The following NYAP2 variants were observed in gnomAD, a reference collection of about 807,000 sequenced individuals.
NYAP2 encodes the protein neuronal tyrosine-phosphorylated phosphoinositide-3-kinase adapter 2.
In NYAP2, 23 loss-of-function variants were observed where a neutral mutation model predicts 50.4. The ratio of observed to expected loss-of-function variants is 0.46; its 90% confidence interval spans 0.33 to 0.65. NYAP2 has a LOEUF of 0.65. Ranked by LOEUF, NYAP2 falls within the 30% of genes least tolerant of loss-of-function variation. The probability of loss-of-function intolerance (pLI) is 0.02; values close to 1 mark genes in which losing one functional copy is unlikely to be tolerated. For synonymous variants in NYAP2, 394 were observed against 365.2 expected (o/e 1.08, Z -0.90); for missense variants, 885 against 861.0 (o/e 1.03, Z -0.35).
chr2:225,660,783 A>C, the NYAP2 span, among the ~76,000 whole-genome samples: 1 of 152,218 alleles, frequency 6.6e-6, no homozygotes. Context: ...CTATGACAAA[A>C]TCTGCTGATG....
At chr2:225,487,030 T>A (rs1173562835) in intron 3 of NYAP2, among the ~76,000 whole-genome samples, 1 of 152,238 alleles carries the variant, frequency 6.6e-6, no homozygotes, top group Admixed American at 6.5e-5. Context: ...TGTCTGGTAA[T>A]CAAGGCCAGC....
chr2:225,437,296 C>G (rs1223103875), intron 3 of NYAP2, among the ~76,000 whole-genome samples: 1 of 152,086 alleles, frequency 6.6e-6, no homozygotes, highest in Non-Finnish European at 1.5e-5. Flanking sequence ...CAGTATATGA[C>G]AGTTGTGAAG....
intron 4 of NYAP2, among the ~76,000 whole-genome samples, chr2:225,580,911 C>T (rs1419706931): frequency 2.0e-5 from 3 of 152,204 alleles, no homozygotes; most frequent in African/African-American, 7.2e-5. Context: ...CAACCACATT[C>T]TGCTACATTG....
In NYAP2 at chr2:225,546,310, C is replaced by G. The variant is rs565835084; in HGVS notation, c.523+32638C>G. Among the ~76,000 whole-genome samples, 8 of 152,290 alleles carry G rather than the reference C, an allele frequency of 5.3e-5. No individual in the cohort carries two copies. The South Asian group carries it at 1.7e-3, about 32-fold the overall frequency. On this transcript the variant is annotated intron_variant, in intron 4 of 6. Coordinates refer to ENST00000636099, the Ensembl canonical transcript of NYAP2. The stretch of plus-strand genomic sequence containing the variant: ...GGGCCCCATGTGAATCAAGAGATGC[C>G]ACACGGGAGCCAAAAACTGGAGTCA...
chr2:225,464,623 G>A (rs1370489394), intron 3 of NYAP2, among the ~76,000 whole-genome samples: 1 of 152,132 alleles, frequency 6.6e-6, no homozygotes, highest in African/African-American at 2.4e-5. Flanking sequence ...CAGAACTTTT[G>A]GATTAAGGAG....
the NYAP2 span, among the ~76,000 whole-genome samples, chr2:225,678,456 C>T: frequency 6.6e-6 from 1 of 151,814 alleles, no homozygotes; most frequent in Non-Finnish European, 1.5e-5. Flanking sequence ...TTAATTCTGC[C>T]AGCTGTGTGG....
chr2:225,693,680 A>T, the NYAP2 span, among the ~76,000 whole-genome samples: 1 of 151,930 alleles, frequency 6.6e-6, no homozygotes, highest in Non-Finnish European at 1.5e-5. Flanking sequence ...GGGGTGGAAG[A>T]GCTCTCTTGG....
At chr2:225,484,236 A>T (rs1364395284) in intron 3 of NYAP2, among the ~76,000 whole-genome samples, 1 of 152,230 alleles carries the variant, frequency 6.6e-6, no homozygotes, top group Non-Finnish European at 1.5e-5. Context: ...TAGTTCTACA[A>T]GCAGGCCATA....
At chr2:225,417,213 G>A (rs1325133412) in intron 3 of NYAP2, among the ~76,000 whole-genome samples, 1 of 152,138 alleles carries the variant, frequency 6.6e-6, no homozygotes, top group Non-Finnish European at 1.5e-5. Context: ...TAGAGAATGT[G>A]TGTAATGTAA....
At chr2:225,619,010 T>A (rs1432043444) in intron 5 of NYAP2, among the ~76,000 whole-genome samples, 1 of 152,236 alleles carries the variant, frequency 6.6e-6, no homozygotes, top group East Asian at 1.9e-4. Flanking sequence ...GTGCTAGGGA[T>A]GACATAGATT....
At position 225,582,451 on chromosome 2, in the gene NYAP2, A is replaced by G. The variant is rs766834686; in HGVS notation, c.1034A>G (p.His345Arg). ...CTGGTATTTCCCCCCGCCCCCGTGCATTGCTCCCCCAACTCCGACGAGTCC... is the reference window on the plus strand; with the variant it reads ...CTGGTATTTCCCCCCGCCCCCGTGCGTTGCTCCCCCAACTCCGACGAGTCC... Residue 345 changes from histidine (H) to arginine (R), a missense_variant, in exon 5 of 7, where the codon CAT becomes CGT. By Grantham distance (29) the His-to-Arg change is conservative (BLOSUM62 0). Transcript: ENST00000636099. This position sits in a 1 kb window ranked among gnomAD's most constrained non-coding sequence, Gnocchi z 7.0. The G allele has an allele frequency of 1.5e-6, 1 of 666,512 alleles. No individual in the cohort carries two copies. Among genetic ancestry groups the G allele is most frequent in the Non-Finnish European group, 2.1e-6 (1 of 469,118 alleles). The allele number at this position is 666,512 out of a possible 1,614,324, so 41.3% of individuals were successfully genotyped here.
chr2:225,552,030 C>T (rs947552118), intron 4 of NYAP2, among the ~76,000 whole-genome samples: 3 of 152,148 alleles, frequency 2.0e-5, no homozygotes, highest in Non-Finnish European at 4.4e-5. Flanking sequence ...CCAGGTTGGT[C>T]TCGAACTCTT....
intron 3 of NYAP2, among the ~76,000 whole-genome samples, chr2:225,460,992 CAAAA>C (rs869283101): frequency 2.3e-5 from 1 of 43,054 alleles, no homozygotes. Flanking sequence ...GACTCTGTCT[CAAAA>C]AAAAAAAAAA....
chr2:225,429,754 A>G (rs1026311508), intron 3 of NYAP2, among the ~76,000 whole-genome samples: 10 of 152,256 alleles, frequency 6.6e-5, no homozygotes, highest in Middle Eastern at 3.2e-3. Flanking sequence ...CCAAGGCTCC[A>G]TAAAGCTTCC....
At chr2:225,473,251 T>C (rs980872125) in intron 3 of NYAP2, among the ~76,000 whole-genome samples, 41 of 152,322 alleles carry the variant, frequency 2.7e-4, no homozygotes, top group African/African-American at 9.6e-4. Context: ...CTATTGTGAA[T>C]AGTGCCACAA....
chr2:225,640,482 A>G (rs1269744139), intron 6 of NYAP2, among the ~76,000 whole-genome samples: 1 of 152,198 alleles, frequency 6.6e-6, no homozygotes, highest in South Asian at 2.1e-4. Flanking sequence ...CTGTGATCTC[A>G]GTTGGTTTTA....
intron 6 of NYAP2, among the ~76,000 whole-genome samples, chr2:225,633,015 A>G (rs921947253): frequency 3.9e-5 from 6 of 152,194 alleles, no homozygotes; most frequent in Non-Finnish European, 4.4e-5. Context: ...AAAATGATGG[A>G]GAGATTAATG....
At chr2:225,696,894 G>A in the NYAP2 span, among the ~76,000 whole-genome samples, 1 of 151,876 alleles carries the variant, frequency 6.6e-6, no homozygotes, top group African/African-American at 2.4e-5. Flanking sequence ...TACAACTTCA[G>A]GGCATTTTGA....
the NYAP2 span, chr2:225,703,488 T>A: frequency 6.6e-6 from 1 of 151,794 alleles, no homozygotes; most frequent in South Asian, 2.1e-4. Context: ...TACTTGATTT[T>A]TTTAGGTAAC....
Sources: allele counts gnomAD v4.1 joint callset (sites outside exome capture counted in the v4.1 genomes callset), GRCh38; gene constraint gnomAD v4.1.1; non-coding constraint Gnocchi (gnomAD v3.1); transcripts MANE v1.5; gene names NCBI Gene and HGNC (gene_info 2026-07-23, HGNC 2026-07-21).